Variants in SCN9A observed in about 807,000 individuals in gnomAD.
SCN9A encodes sodium voltage-gated channel alpha subunit 9.
A neutral mutation model predicts 187.0 loss-of-function variants in SCN9A; 131 were observed. That is an observed-to-expected ratio of 0.70 (90% CI 0.61 to 0.81). SCN9A has a LOEUF of 0.81. Among genes scored for constraint, SCN9A ranks in the 30% least tolerant of loss-of-function variants. The probability of loss-of-function intolerance (pLI) is 0.00; values close to 1 mark genes in which losing one functional copy is unlikely to be tolerated. For missense variants in SCN9A, 2,252 were observed against 2,396.6 expected (o/e 0.94, Z 1.26); for synonymous variants, 809 against 808.6 (o/e 1.00, Z -0.01).
intron 12 of SCN9A, among the ~76,000 whole-genome samples, chr2:166,282,081 G>T (rs925373020): frequency 4.6e-5 from 7 of 152,106 alleles, no homozygotes; most frequent in Non-Finnish European, 1.0e-4. Flanking sequence ...AAAAAATAAA[G>T]CTAGCTGCTT....
intron 24 of SCN9A, among the ~76,000 whole-genome samples, chr2:166,219,399 A>C (rs779193487): frequency 1.3e-5 from 2 of 152,182 alleles, no homozygotes; most frequent in Non-Finnish European, 2.9e-5. Context: ...TCAAAAAAAA[A>C]CGAGATCATA....
chr2:166,225,890 C>A (rs1414010011), intron 24 of SCN9A, among the ~76,000 whole-genome samples: 1 of 152,090 alleles, frequency 6.6e-6, no homozygotes, highest in Non-Finnish European at 1.5e-5. Context: ...TTCTTAGAGG[C>A]TTTAAAGAGA....
chr2:166,201,402 G>T (rs57704865), intron 26 of SCN9A, among the ~76,000 whole-genome samples: 5 of 145,688 alleles, frequency 3.4e-5, no homozygotes, highest in African/African-American at 1.3e-4. Context: ...ATGCATATAC[G>T]CTATATAGCA....
chr2:166,325,774 A>G (rs1699348288), intron 1 of SCN9A, among the ~76,000 whole-genome samples: 1 of 152,080 alleles, frequency 6.6e-6, no homozygotes. Context: ...TGACTCTGAG[A>G]TTCTCATTTT....
chr2:166,350,436 C>T (rs1389778213), intron 1 of SCN9A, among the ~76,000 whole-genome samples: 2 of 152,142 alleles, frequency 1.3e-5, no homozygotes, highest in African/African-American at 4.8e-5. Flanking sequence ...CTGGTCCATC[C>T]CTTCATCTCT....
chr2:166,315,723 G>A (rs1699093038), intron 1 of SCN9A, among the ~76,000 whole-genome samples: 2 of 152,148 alleles, frequency 1.3e-5, no homozygotes, highest in African/African-American at 2.4e-5. Flanking sequence ...CAAGATGATA[G>A]GCTGACAGGG....
At chr2:166,318,477 C>T (rs548657650) in intron 1 of SCN9A, among the ~76,000 whole-genome samples, 1 of 150,748 alleles carries the variant, frequency 6.6e-6, no homozygotes, top group Admixed American at 6.6e-5. Flanking sequence ...ACAGACCAAA[C>T]TTTTAACTTT....
chr2:166,337,696 A>G (rs960021121), intron 1 of SCN9A, among the ~76,000 whole-genome samples: 5 of 152,142 alleles, frequency 3.3e-5, no homozygotes, highest in African/African-American at 1.2e-4. Flanking sequence ...GTATATTTCT[A>G]AAGGCTGAAA....
intron 21 of SCN9A, among the ~76,000 whole-genome samples, chr2:166,229,228 T>C (rs1369824992): frequency 6.6e-6 from 1 of 152,088 alleles, no homozygotes; most frequent in Non-Finnish European, 1.5e-5. Flanking sequence ...ATAAAATTGT[T>C]AGCAAAATAT....
At chr2:166,320,076 A>G (rs1699200255) in intron 1 of SCN9A, among the ~76,000 whole-genome samples, 2 of 152,180 alleles carry the variant, frequency 1.3e-5, no homozygotes, top group Admixed American at 1.3e-4. Context: ...AGAAAACATT[A>G]CATAAGTTGA....
At chr2:166,215,779 C>CAAAAAAA (rs33938188) in intron 24 of SCN9A, among the ~76,000 whole-genome samples, 1 of 134,796 alleles carries the variant, frequency 7.4e-6, no homozygotes, top group African/African-American at 2.7e-5. Context: ...GTCTCCTAAC[C>CAAAAAAA]AAAAAAAAAA....
chr2:166,201,379 T>C (rs1228964587), intron 26 of SCN9A, among the ~76,000 whole-genome samples: 1 of 148,342 alleles, frequency 6.7e-6, no homozygotes, highest in Non-Finnish European at 1.5e-5. Flanking sequence ...GTATACTCTA[T>C]ATAGCATATA....
intron 3 of SCN9A, 97 bp downstream of exon 3, chr2:166,306,859 C>A: frequency 1.4e-6 from 1 of 697,112 alleles, no homozygotes; most frequent in Non-Finnish European, 2.4e-6. Context: ...AAACCAGAGT[C>A]TTTCAAGGTG....
At chr2:166,288,842 G>C (rs757162761) in intron 9 of SCN9A, among the ~76,000 whole-genome samples, 199 bp from the exon 10 acceptor site, 1 of 152,082 alleles carries the variant, frequency 6.6e-6, no homozygotes, top group Non-Finnish European at 1.5e-5. Flanking sequence ...TAATATGCTT[G>C]TACTAAAGTC....
Position 166,277,071 on chromosome 2 carries a change from A to G in SCN9A, c.2786T>C (p.Ile929Thr), listed in dbSNP as rs757870879. The change falls in exon 16 of 27, where the codon ATA (isoleucine) becomes ACA (threonine). Residue 929 changes from isoleucine (I) to threonine (T), a missense_variant. Coordinates refer to ENST00000642356, the MANE Select transcript of SCN9A (RefSeq NM_001365536.1). ...CTCCATACAGTCCCACATGGTCTCTATCCACTCTCCACACAGCACGCGGAA... is the reference window on the plus strand; with the variant it reads ...CTCCATACAGTCCCACATGGTCTCTGTCCACTCTCCACACAGCACGCGGAA... Reference protein sequence around the residue: ...IVFRVLCGEWIETMWDCMEVA... With the variant: ...IVFRVLCGEWTETMWDCMEVA... The G allele has an allele frequency of 6.2e-7, 1 of 1,613,932 alleles. No homozygotes were observed.
intron 1 of SCN9A, among the ~76,000 whole-genome samples, chr2:166,346,290 G>A (rs1699899115): frequency 6.6e-6 from 1 of 152,104 alleles, no homozygotes; most frequent in African/African-American, 2.4e-5. Flanking sequence ...AATTCCAAAT[G>A]CAATAGCAAA....
chr2:166,257,240 T>A (rs1382663065), intron 17 of SCN9A, among the ~76,000 whole-genome samples: 1 of 151,482 alleles, frequency 6.6e-6, no homozygotes, highest in Non-Finnish European at 1.5e-5. Flanking sequence ...CTTAAAAAAA[T>A]GCAACAAGTA....
chr2:166,291,430 C>G (rs1698065523), intron 9 of SCN9A, among the ~76,000 whole-genome samples: 1 of 152,092 alleles, frequency 6.6e-6, no homozygotes, highest in Non-Finnish European at 1.5e-5. Context: ...AGAGAGGACA[C>G]AAACAAATGG....
Position 166,368,571 on chromosome 2 carries a change from T to G in SCN9A, c.-51+7126A>C, listed in dbSNP as rs529286738. Among the ~76,000 whole-genome samples the G allele has an allele frequency of 1.3e-3, 190 of 151,486 alleles. 1 individual carries two copies. Among genetic ancestry groups the G allele is most frequent in the African/African-American group, 4.5e-3 (187 of 41,202 alleles). On this transcript the variant is annotated intron_variant, in intron 1 of 26. Transcript: ENST00000642356. Reference sequence around the variant, plus strand: ...TCACTTGAATCTGGGAGGCAGAGGTTGCAGCGAGCCAACATCGTACCACTG... The same window carrying G: ...TCACTTGAATCTGGGAGGCAGAGGTGGCAGCGAGCCAACATCGTACCACTG...
Sources: allele counts gnomAD v4.1 joint callset (sites outside exome capture counted in the v4.1 genomes callset), GRCh38; gene constraint gnomAD v4.1.1; transcripts MANE v1.5; gene names NCBI Gene and HGNC (gene_info 2026-07-23, HGNC 2026-07-21).